The following NBEA variants were observed in gnomAD, a reference collection of about 807,000 sequenced individuals.
The protein encoded by NBEA is lysosomal-trafficking regulator 2.
Under a neutral mutation model 343.4 loss-of-function variants are expected in NBEA, and 44 were observed. That is an observed-to-expected ratio of 0.13 (90% CI 0.10 to 0.16). The LOEUF (loss-of-function observed/expected upper bound fraction) is 0.16. Among genes scored for constraint, NBEA ranks in the 10% least tolerant of loss-of-function variants. The pLI, the probability that NBEA is intolerant of heterozygous loss-of-function variation, is 1.00. For synonymous variants in NBEA, 1,175 were observed against 1,238.7 expected (o/e 0.95, Z 1.08); for missense variants, 2,555 against 3,631.3 (o/e 0.70, Z 7.62).
At chr13:35,303,589 A>G (rs1324981069) in intron 35 of NBEA, among the ~76,000 whole-genome samples, 1 of 152,176 alleles carries the variant, frequency 6.6e-6, no homozygotes, top group Non-Finnish European at 1.5e-5. Context: ...ATACATAAAC[A>G]AGTACAGGAA....
At chr13:35,130,566 G>A (rs559869214) in intron 17 of NBEA, among the ~76,000 whole-genome samples, 1 of 152,006 alleles carries the variant, frequency 6.6e-6, no homozygotes, top group East Asian at 1.9e-4. Context: ...TAGTGTAGGT[G>A]AGTCGTAGAA....
intron 2 of NBEA, 57 bp downstream of exon 2, chr13:35,041,221 T>A: frequency 7.6e-7 from 1 of 1,312,924 alleles, no homozygotes. Context: ...TTTCACATAC[T>A]TCTCTTTATA....
At chr13:35,216,171 T>A (rs1708646194) in intron 33 of NBEA, among the ~76,000 whole-genome samples, 2 of 151,788 alleles carry the variant, frequency 1.3e-5, no homozygotes, top group Non-Finnish European at 3.0e-5. Flanking sequence ...AGTGTTTTTT[T>A]TCTATTATGT....
intron 40 of NBEA, among the ~76,000 whole-genome samples, chr13:35,459,865 G>A (rs771927441): frequency 1.3e-5 from 2 of 152,142 alleles, no homozygotes; most frequent in Non-Finnish European, 2.9e-5. Flanking sequence ...AATAGTATAA[G>A]CCAGTGGCAC....
chr13:35,129,968 A>C (rs1225535554), intron 17 of NBEA, among the ~76,000 whole-genome samples: 2 of 152,180 alleles, frequency 1.3e-5, no homozygotes, highest in Admixed American at 6.5e-5. Context: ...CCAAATACTT[A>C]GTGATTTTAG....
At chr13:35,077,232 T>C (rs1011542811) in intron 10 of NBEA, among the ~76,000 whole-genome samples, 1 of 152,146 alleles carries the variant, frequency 6.6e-6, no homozygotes, top group African/African-American at 2.4e-5. Flanking sequence ...TTACCTAGGC[T>C]GGTAACTTCC....
intron 38 of NBEA, among the ~76,000 whole-genome samples, chr13:35,367,975 T>C (rs1368872565): frequency 1.3e-5 from 2 of 151,538 alleles, no homozygotes; most frequent in Non-Finnish European, 3.0e-5. Context: ...CAATAACTGA[T>C]GGATTGTTAA....
intron 34 of NBEA, among the ~76,000 whole-genome samples, chr13:35,249,365 A>C (rs1038281042): frequency 6.6e-6 from 1 of 152,280 alleles, no homozygotes; most frequent in African/African-American, 2.4e-5. Flanking sequence ...TGCACATTAT[A>C]TATCTGTTAA....
intron 13 of NBEA, among the ~76,000 whole-genome samples, chr13:35,113,586 C>CATCTATATCT (rs1555307447): frequency 6.8e-6 from 1 of 146,694 alleles, no homozygotes; most frequent in Admixed American, 6.8e-5. Context: ...CTCCTCCACT[C>CATCTATATCT]ATCTATCTAT....
intron 30 of NBEA, among the ~76,000 whole-genome samples, chr13:35,190,871 C>G (rs1225258164): frequency 6.6e-6 from 1 of 152,020 alleles, no homozygotes; most frequent in African/African-American, 2.4e-5. Context: ...CAAGTAATTA[C>G]AGGAAGCATT....
intron 44 of NBEA, among the ~76,000 whole-genome samples, chr13:35,557,706 A>G (rs1158562888): frequency 1.3e-5 from 2 of 152,192 alleles, no homozygotes; most frequent in African/African-American, 2.4e-5. Context: ...GAACACTTAC[A>G]GTCTAGATGA....
In NBEA at chr13:35,048,554, G is replaced by A; in HGVS notation, c.724-9G>A. The A allele has an allele frequency of 2.5e-6, 4 of 1,602,752 alleles. No homozygotes were observed. Among genetic ancestry groups the A allele is most frequent in the Admixed American group, 1.7e-5 (1 of 58,258 alleles). On this transcript the variant is annotated splice_polypyrimidine_tract_variant and intron_variant, in intron 4 of 58. Coordinates refer to ENST00000379939, the MANE Select transcript of NBEA (RefSeq NM_001385012.1). ...TGATACTTTCGTACCTTTTCTCATT[G>A]CCTTGTAGGCAATTGCCTTGCCTCC...
intron 1 of NBEA, among the ~76,000 whole-genome samples, chr13:35,002,357 G>A (rs1009791078): frequency 6.6e-6 from 1 of 152,198 alleles, no homozygotes; most frequent in Non-Finnish European, 1.5e-5. Flanking sequence ...CAGGAACTCT[G>A]TGAGTAAAGG....
intron 48 of NBEA, among the ~76,000 whole-genome samples, chr13:35,608,153 A>T (rs2082360126): frequency 6.6e-6 from 1 of 152,138 alleles, no homozygotes; most frequent in Admixed American, 6.5e-5. Context: ...ACCTATGCTT[A>T]AAAGCATCAT....
chr13:35,411,126 G>T (rs2043558704), intron 38 of NBEA, among the ~76,000 whole-genome samples: 1 of 151,994 alleles, frequency 6.6e-6, no homozygotes, highest in African/African-American at 2.4e-5. Context: ...TTTGTTTTTA[G>T]GATAGTTAAG....
chr13:35,404,679 A>C (rs911446897), intron 38 of NBEA, among the ~76,000 whole-genome samples: 43 of 150,546 alleles, frequency 2.9e-4, no homozygotes, highest in African/African-American at 1.0e-3. Context: ...GGTGCAGCAC[A>C]CCAGCATGGC....
intron 34 of NBEA, among the ~76,000 whole-genome samples, chr13:35,243,930 A>G (rs1387888856): frequency 6.6e-6 from 1 of 151,888 alleles, no homozygotes; most frequent in Admixed American, 6.6e-5. Context: ...TTCACCCAAT[A>G]ACATCAGAAT....
intron 41 of NBEA, among the ~76,000 whole-genome samples, chr13:35,486,356 A>G (rs1271714857): frequency 2.0e-5 from 3 of 152,124 alleles, no homozygotes; most frequent in African/African-American, 4.8e-5. Context: ...TAAATTACCT[A>G]TTAAATGAGA....
chr13:35,172,258 T>C (rs541539045), intron 26 of NBEA, among the ~76,000 whole-genome samples: 17 of 151,044 alleles, frequency 1.1e-4, no homozygotes, highest in Non-Finnish European at 1.5e-4. Flanking sequence ...AAACCTTTTT[T>C]TGTTTGTTTG....
Sources: gnomAD v4.1 joint callset for allele counts (sites outside exome capture counted in the v4.1 genomes callset) on GRCh38, gnomAD v4.1.1 for gene constraint, MANE v1.5 for transcripts, NCBI Gene and HGNC (gene_info 2026-07-23, HGNC 2026-07-21) for gene names.